Variants in RSPO3 observed in about 807,000 individuals in gnomAD.
RSPO3 encodes R-spondin 3, also known as R-spondin-3.
Under a neutral mutation model 36.5 loss-of-function variants are expected in RSPO3, and 17 were observed. The ratio of observed to expected loss-of-function variants is 0.47; its 90% CI spans 0.32 to 0.70. The LOEUF (loss-of-function observed/expected upper bound fraction) is 0.70. Ranked by LOEUF, RSPO3 falls within the 30% of genes least tolerant of loss-of-function variation. The pLI is 0.04. For missense variants in RSPO3, 294 were observed against 322.5 expected, an observed-to-expected ratio of 0.91 and a Z score of 0.68; for synonymous variants, 108 against 107.0, an observed-to-expected ratio of 1.01 and a Z score of -0.06.
At chr6:127,150,168 T>C (rs965721192) in intron 2 of RSPO3, among the ~76,000 whole-genome samples, 1 of 139,952 alleles carries the variant, frequency 7.1e-6, no homozygotes, top group Non-Finnish European at 1.6e-5. Flanking sequence ...TTCTTGGAGA[T>C]ATATATATAT....
chr6:127,185,414 GT>G (rs56889359), intron 4 of RSPO3, among the ~76,000 whole-genome samples: 2,680 of 152,120 alleles, frequency 0.018, 81 homozygotes, highest in African/African-American at 0.06. Flanking sequence ...TTTCAAACTA[GT>G]TAAGAAACCA....
intron 4 of RSPO3, among the ~76,000 whole-genome samples, chr6:127,181,714 C>A (rs768869628): frequency 6.6e-6 from 1 of 151,836 alleles, no homozygotes; most frequent in Admixed American, 6.6e-5. Flanking sequence ...AGTAAGCCAA[C>A]CTTACTTCTG....
At chr6:127,169,799 A>G (rs1335683939) in intron 4 of RSPO3, among the ~76,000 whole-genome samples, 2 of 151,854 alleles carry the variant, frequency 1.3e-5, no homozygotes, top group Non-Finnish European at 2.9e-5. Flanking sequence ...TTGTGGAGCT[A>G]TCCACATATT....
rs570107604 is a variant in RSPO3 at position 127,188,317 on chromosome 6, C to T, written c.635-7506C>T. ...GAGAGTTTATTATGCTTAAAGCAGACTATGAAAATACACATTCTAAAAAGT... is the reference window on the plus strand; with the variant it reads ...GAGAGTTTATTATGCTTAAAGCAGATTATGAAAATACACATTCTAAAAAGT... On this transcript the variant is annotated intron_variant, in intron 4 of 4. Transcript: ENST00000356698. 3.9e-5 allele frequency among the ~76,000 whole-genome samples: 6 copies of T among 152,262 alleles called. No homozygotes were observed. The South Asian group carries it at 1.2e-3, about 32-fold the overall frequency.
At chr6:127,195,768 T>TA in intron 4 of RSPO3, 55 bp from the exon 5 acceptor site, 2 of 1,238,934 alleles carry the variant, frequency 1.6e-6, no homozygotes, top group Non-Finnish European at 2.2e-6. Context: ...AAAATGTAAT[T>TA]AAAAAATAGA....
intron 4 of RSPO3, among the ~76,000 whole-genome samples, chr6:127,178,427 T>G (rs1775100476): frequency 6.6e-6 from 1 of 151,754 alleles, no homozygotes; most frequent in Non-Finnish European, 1.5e-5. Context: ...CCTAAAATGA[T>G]TTGTAATCTG....
intron 4 of RSPO3, 26 bp downstream of exon 4, chr6:127,155,464 T>G: frequency 6.3e-7 from 1 of 1,595,784 alleles, no homozygotes. Context: ...CAAAATGTGC[T>G]TGTTTGAATC....
chr6:127,155,104 G>A, intron 3 of RSPO3, 137 bp from the exon 4 acceptor site: 1 of 779,116 alleles, frequency 1.3e-6, no homozygotes, highest in East Asian at 2.5e-5. Context: ...TTATATTTAA[G>A]TCATCTTGCC....
At chr6:127,150,669 G>T in intron 3 of RSPO3, 97 bp downstream of exon 3, 1 of 1,155,870 alleles carries the variant, frequency 8.7e-7, no homozygotes, top group Non-Finnish European at 1.2e-6. Context: ...AAGGTTCTTG[G>T]GCTGAGATCT....
At chr6:127,160,062 T>C (rs778041182) in intron 4 of RSPO3, among the ~76,000 whole-genome samples, 1 of 152,164 alleles carries the variant, frequency 6.6e-6, no homozygotes, top group Non-Finnish European at 1.5e-5. Flanking sequence ...ATTAATTATA[T>C]GGCTATAATC....
chr6:127,134,494 C>A (rs764721776), intron 1 of RSPO3, among the ~76,000 whole-genome samples: 1 of 152,034 alleles, frequency 6.6e-6, no homozygotes, highest in Non-Finnish European at 1.5e-5. Flanking sequence ...TTATGGTAAC[C>A]CCATGACCAC....
rs546161706 is a variant in RSPO3 at position 127,150,634 on chromosome 6, C to T, written c.436+62C>T. On this transcript the variant is annotated intron_variant, in intron 3 of 4. Transcript: ENST00000356698. ...TGTCAGTCTCCATGGAGGTGCTTTT[C>T]AAAGTCCTTTGCCAAAAGAACTTGA... 5 of 1,507,512 alleles carry T rather than the reference C, an allele frequency of 3.3e-6. No individual in the cohort carries two copies. The East Asian group carries it at 6.9e-5, about 21-fold the overall frequency. The allele number at this position is 1,507,512 out of a possible 1,614,324, so 93.4% of individuals were successfully genotyped here. A position where few individuals can be genotyped will look rare whatever the true frequency, so the allele number is the denominator to read the frequency against.
intron 1 of RSPO3, among the ~76,000 whole-genome samples, chr6:127,122,797 A>C (rs1016940974): frequency 1.3e-5 from 2 of 152,168 alleles, no homozygotes; most frequent in African/African-American, 2.4e-5. Context: ...TAAATACCTA[A>C]TAGTAAAGTT....
At chr6:127,172,924 T>A (rs1037991408) in intron 4 of RSPO3, among the ~76,000 whole-genome samples, 30 of 151,768 alleles carry the variant, frequency 2.0e-4, no homozygotes, top group Non-Finnish European at 3.7e-4. Context: ...ATAACTACCT[T>A]AAGAATGTCA....
chr6:127,141,851 G>A (rs1356608511), intron 1 of RSPO3, among the ~76,000 whole-genome samples: 3 of 151,898 alleles, frequency 2.0e-5, no homozygotes, highest in Non-Finnish European at 4.4e-5. Flanking sequence ...GCATGCATGC[G>A]TGCATATATA....
At chr6:127,159,695 C>CTGGA (rs1774668367) in intron 4 of RSPO3, among the ~76,000 whole-genome samples, 1 of 140,528 alleles carries the variant, frequency 7.1e-6, no homozygotes, top group African/African-American at 2.7e-5. Context: ...GTCGCCCAGG[C>CTGGA]TGGAGTGCAG....
intron 4 of RSPO3, among the ~76,000 whole-genome samples, chr6:127,191,255 A>G (rs185455989): frequency 6.6e-6 from 1 of 152,338 alleles, no homozygotes; most frequent in Non-Finnish European, 1.5e-5. Context: ...ATGCAATTTG[A>G]AGTAAGTTTT....
chr6:127,192,613 T>C, intron 4 of RSPO3: 1 of 975,952 alleles, frequency 1.0e-6, no homozygotes, highest in Non-Finnish European at 1.2e-6. Context: ...GCAAATTCTC[T>C]TTGATGTTTT....
chr6:127,144,024 G>A (rs1264483939), intron 1 of RSPO3, among the ~76,000 whole-genome samples: 1 of 152,184 alleles, frequency 6.6e-6, no homozygotes, highest in East Asian at 1.9e-4. Flanking sequence ...TTATCAAATA[G>A]TAGGAAGCCT....
Sources: allele counts gnomAD v4.1 joint callset (sites outside exome capture counted in the v4.1 genomes callset), GRCh38; gene constraint gnomAD v4.1.1; transcripts MANE v1.5; gene names NCBI Gene and HGNC (gene_info 2026-07-23, HGNC 2026-07-21).